Variants in VCF1 observed in about 807,000 individuals in gnomAD.
VCF1 encodes VCP nuclear cofactor family member 1.
At chr17:73,227,377 T>C in the VCF1 span, 1 of 846,746 alleles carries the variant, frequency 1.2e-6, no homozygotes, top group East Asian at 2.8e-5. Flanking sequence ...TGAGAAAACA[T>C]AATTCAGCAT....
the VCF1 span, among the ~76,000 whole-genome samples, chr17:73,224,949 G>A: frequency 6.7e-6 from 1 of 149,694 alleles, no homozygotes; most frequent in African/African-American, 2.5e-5. Flanking sequence ...GCACAGCACA[G>A]CACAGGACAG....
At chr17:73,207,533 G>A in the VCF1 span, 1 of 603,232 alleles carries the variant, frequency 1.7e-6, no homozygotes, top group African/African-American at 1.9e-5. Context: ...ATTTAGTAGG[G>A]TGAAAGAGTT....
the VCF1 span, among the ~76,000 whole-genome samples, chr17:73,230,821 G>A: frequency 6.6e-6 from 1 of 152,236 alleles, no homozygotes; most frequent in East Asian, 1.9e-4. Context: ...GATTATTTGT[G>A]TACAAGATAA....
chr17:73,212,122 C>A, the VCF1 span, among the ~76,000 whole-genome samples: 1 of 152,158 alleles, frequency 6.6e-6, no homozygotes, highest in Non-Finnish European at 1.5e-5. Context: ...TACACTTCAA[C>A]TTTTTTGCAA....
At chr17:73,208,473 C>A in the VCF1 span, 28 of 1,612,524 alleles carry the variant, frequency 1.7e-5, no homozygotes, top group East Asian at 5.8e-4. Context: ...ATCTGTCTCT[C>A]CCTAAATAAA....
At chr17:73,219,157 C>G in the VCF1 span, among the ~76,000 whole-genome samples, 2 of 140,840 alleles carry the variant, frequency 1.4e-5, no homozygotes, top group Non-Finnish European at 1.5e-5. Context: ...TGCCATAGCA[C>G]TCCAGCCTGG....
chr17:73,215,218 G>A, the VCF1 span, among the ~76,000 whole-genome samples: 5 of 152,314 alleles, frequency 3.3e-5, no homozygotes, highest in South Asian at 8.3e-4. Flanking sequence ...CCTTATAACC[G>A]CAGACATCTG....
the VCF1 span, chr17:73,207,970 C>A: frequency 8.0e-7 from 1 of 1,248,956 alleles, no homozygotes; most frequent in Non-Finnish European, 1.0e-6. Context: ...ACCATCCAGT[C>A]CCTAAGCATG....
the VCF1 span, among the ~76,000 whole-genome samples, chr17:73,214,782 T>G: frequency 6.6e-6 from 1 of 152,210 alleles, no homozygotes; most frequent in Non-Finnish European, 1.5e-5. Flanking sequence ...TTGTCACATT[T>G]GTTCTCGAAA....
chr17:73,211,435 G>A, the VCF1 span, among the ~76,000 whole-genome samples: 4 of 152,160 alleles, frequency 2.6e-5, no homozygotes, highest in Non-Finnish European at 5.9e-5. Context: ...CGGGCATGGT[G>A]GCAGGCGGCT....
At chr17:73,217,689 C>T in the VCF1 span, among the ~76,000 whole-genome samples, 1 of 151,378 alleles carries the variant, frequency 6.6e-6, no homozygotes. Flanking sequence ...CGCAGTGGCT[C>T]ATGTCTGTAA....
the VCF1 span, among the ~76,000 whole-genome samples, chr17:73,225,394 G>A: frequency 6.7e-6 from 1 of 150,360 alleles, no homozygotes; most frequent in South Asian, 2.1e-4. Context: ...TACAATATCT[G>A]CCTTACTTAA....
chr17:73,224,910 G>GACAGGACAGGACAGGACAGGACAGC, the VCF1 span, among the ~76,000 whole-genome samples: 1 of 77,460 alleles, frequency 1.3e-5, no homozygotes, highest in South Asian at 4.0e-4. Flanking sequence ...GACAGGACAG[G>GACAGGACAGGACAGGACAGGACAGC]ACAGGACAGG....
the VCF1 span, among the ~76,000 whole-genome samples, chr17:73,223,800 C>A: frequency 6.7e-6 from 1 of 149,352 alleles, no homozygotes; most frequent in East Asian, 2.0e-4. Flanking sequence ...GGCAACACAG[C>A]AAGACCCTGT....
At chr17:73,226,755 C>G in the VCF1 span, among the ~76,000 whole-genome samples, 1 of 152,142 alleles carries the variant, frequency 6.6e-6, no homozygotes, top group Non-Finnish European at 1.5e-5. Flanking sequence ...CATACACATA[C>G]CTTACATATT....
chr17:73,220,339 C>A, the VCF1 span, among the ~76,000 whole-genome samples: 2 of 152,174 alleles, frequency 1.3e-5, no homozygotes, highest in African/African-American at 4.8e-5. Context: ...TCTCACACTT[C>A]CGCATTCCCA....
the VCF1 span, among the ~76,000 whole-genome samples, chr17:73,224,935 C>CACAGCACAGGACAGG: frequency 8.5e-5 from 10 of 117,074 alleles, no homozygotes; most frequent in Non-Finnish European, 1.2e-4. Context: ...GACAGGACAG[C>CACAGCACAGGACAGG]ACAGCACAGC....
the VCF1 span, among the ~76,000 whole-genome samples, chr17:73,211,984 T>C: frequency 3.3e-5 from 5 of 152,052 alleles, no homozygotes; most frequent in Admixed American, 6.6e-5. Flanking sequence ...TGAGCCAAGA[T>C]TGCACCACCG....
the VCF1 span, among the ~76,000 whole-genome samples, chr17:73,225,132 A>C: frequency 2.0e-5 from 3 of 152,286 alleles, no homozygotes; most frequent in South Asian, 6.2e-4. Flanking sequence ...CAGTGAGTTC[A>C]GACAGAAACT....
Sources: allele counts gnomAD v4.1 joint callset (sites outside exome capture counted in the v4.1 genomes callset), GRCh38; gene constraint gnomAD v4.1.1; transcripts MANE v1.5; gene names NCBI Gene and HGNC (gene_info 2026-07-23, HGNC 2026-07-21).